TNIP2: variants seen among roughly 807,000 people sequenced by gnomAD.
TNIP2 encodes the protein TNFAIP3 interacting protein 2.
TNIP2 carries 30 observed loss-of-function variants against 43.7 expected under a neutral mutation model. That is an observed-to-expected ratio of 0.69 (90% CI 0.51 to 0.93). TNIP2 has a LOEUF of 0.93. Ranked by LOEUF, TNIP2 falls within the 40% of genes least tolerant of loss-of-function variation. The pLI, the probability that TNIP2 is intolerant of heterozygous loss-of-function variation, is 0.00. For synonymous variants in TNIP2, 260 were observed against 254.6 expected, an observed-to-expected ratio of 1.02 and a Z score of -0.20; for missense variants, 599 against 591.0, an observed-to-expected ratio of 1.01 and a Z score of -0.14.
intron 1 of TNIP2, among the ~76,000 whole-genome samples, chr4:2,748,490 A>C (rs1026760098): frequency 1.3e-5 from 2 of 151,816 alleles, no homozygotes; most frequent in African/African-American, 2.4e-5. Flanking sequence ...CTACAGGCAC[A>C]CGCCACCACG....
rs1430388559 is a variant in TNIP2 at position 2,744,879 on chromosome 4, G to T, written c.724C>A (p.His242Asn). 1 of 1,613,982 alleles carries T rather than the reference G, an allele frequency of 6.2e-7. No homozygotes were observed. The highest frequency in any genetic ancestry group is 1.3e-5 in the African/African-American group (1 of 75,070). The part of the protein sequence containing the change: ...ASRDEYVRGL[H>N]AQLRGLQIPH... ...ATCTGCAGCCCCCTGAGCTGCGCAT[G>T]GAGCCCCCTCACGTATTCGTCCCTG... Residue 242 changes from histidine to asparagine, a missense_variant, in exon 4 of 6, where the codon CAT (histidine) becomes AAT (asparagine). Coordinates refer to ENST00000315423, the MANE Select transcript of TNIP2 (RefSeq NM_024309.4). This position sits in a 1 kb window ranked among gnomAD's most constrained non-coding sequence, Gnocchi z 5.1.
intron 1 of TNIP2, among the ~76,000 whole-genome samples, chr4:2,750,143 C>T (rs1722063828): frequency 1.3e-5 from 2 of 152,110 alleles, no homozygotes; most frequent in Admixed American, 6.6e-5. Context: ...TGTACTTTTC[C>T]GTTTTCAAAG....
chr4:2,744,678 G>A lies in TNIP2; in HGVS notation c.906+19C>T, dbSNP rs748410217. 5 of 1,595,494 alleles carry A rather than the reference G, an allele frequency of 3.1e-6. No individual in the cohort carries two copies. The highest frequency in any genetic ancestry group is 4.5e-5 in the East Asian group (2 of 44,790). On this transcript the variant is annotated intron_variant, in intron 4 of 5. Transcript: ENST00000315423. This position sits in a 1 kb window ranked among gnomAD's most constrained non-coding sequence, Gnocchi z 5.1. ...GCAGACATCTGGTCAGTGCCGTCCG[G>A]AGCCCGAGGGACAGACACCTGCTGT...
intron 1 of TNIP2, among the ~76,000 whole-genome samples, chr4:2,754,052 G>A (rs943963257): frequency 6.6e-6 from 1 of 152,112 alleles, no homozygotes; most frequent in African/African-American, 2.4e-5. Context: ...GACTACAGCG[G>A]CTATTTTATT....
intron 3 of TNIP2, among the ~76,000 whole-genome samples, 162 bp from the exon 4 acceptor site, chr4:2,745,107 C>T (rs774632657): frequency 5.3e-5 from 8 of 152,188 alleles, no homozygotes; most frequent in African/African-American, 1.4e-4. Flanking sequence ...ACACTAGGCC[C>T]GCTAGAGAAT....
chr4:2,751,429 T>C (rs762886372), intron 1 of TNIP2, among the ~76,000 whole-genome samples: 2 of 152,216 alleles, frequency 1.3e-5, no homozygotes, highest in Non-Finnish European at 2.9e-5. Flanking sequence ...AGAGGCACAG[T>C]GGCCTCTTGG....
At chr4:2,753,443 A>T (rs886923396) in intron 1 of TNIP2, among the ~76,000 whole-genome samples, 1 of 152,174 alleles carries the variant, frequency 6.6e-6, no homozygotes, top group African/African-American at 2.4e-5. Flanking sequence ...CTGTCTCAAA[A>T]AAATAAAAAA....
chr4:2,742,526 GA>G lies in TNIP2; in HGVS notation c.1027-7del. On this transcript the variant is annotated splice_region_variant and splice_polypyrimidine_tract_variant and intron_variant, in intron 5 of 5. Coordinates refer to ENST00000315423, the MANE Select transcript of TNIP2 (RefSeq NM_024309.4). ...GCGTCTGGCTCTCGAGAATCCTGGA[GA>G]AAAGGCAAGGGTGTATATACGTGGG... The G allele has an allele frequency of 6.4e-7, 1 of 1,574,272 alleles. No homozygotes were observed. The highest frequency in any genetic ancestry group is 2.3e-5 in the East Asian group (1 of 43,576).
intron 1 of TNIP2, among the ~76,000 whole-genome samples, chr4:2,750,021 G>A (rs2109489404): frequency 6.6e-6 from 1 of 152,272 alleles, no homozygotes; most frequent in East Asian, 1.9e-4. Context: ...ACTTTGCCCA[G>A]TCTGGTCCTG....
rs140673616 is a variant in TNIP2, at chr4:2,745,487, A to G, written c.616T>C (p.Leu206=). ...TTTAACAGTCGATTTTCTTCCTGCA[A>G]CTTCTCAATAACACTCTGGACAGAG... ...HTSVQSVIEK[L]QEENRLLKQK... Residue 206 remains leucine, a synonymous_variant, in exon 3 of 6, where the codon TTG becomes CTG. Coordinates refer to ENST00000315423, the MANE Select transcript of TNIP2 (RefSeq NM_024309.4). 80 of 1,613,952 alleles carry G rather than the reference A, an allele frequency of 5.0e-5. No individual in the cohort carries two copies. Among genetic ancestry groups the G allele is most frequent in the Non-Finnish European group, 6.7e-5 (79 of 1,179,990 alleles).
chr4:2,755,313 C>G (rs956991269), intron 1 of TNIP2, among the ~76,000 whole-genome samples: 1 of 151,534 alleles, frequency 6.6e-6, no homozygotes, highest in African/African-American at 2.4e-5. Context: ...ATACACACAC[C>G]CCCCTCGGAA....
At chr4:2,745,087 T>A in intron 3 of TNIP2, 142 bp from the exon 4 acceptor site, 1 of 1,132,036 alleles carries the variant, frequency 8.8e-7, no homozygotes, top group Non-Finnish European at 1.2e-6. Context: ...CCCTGTTCTG[T>A]AGAGAGCAGA....
In TNIP2 at chr4:2,744,378, A is replaced by G. The variant is rs1364221886; in HGVS notation, c.1026+9T>C. ...CCTAAGCAGGAAGAAAAACGCCCTC[A>G]TACTCTACCTGTCTCCAGGACACCT... On this transcript the variant is annotated intron_variant, in intron 5 of 5. Transcript: ENST00000315423. This position sits in a 1 kb window ranked among gnomAD's most constrained non-coding sequence, Gnocchi z 5.1. The G allele has an allele frequency of 6.2e-7, 1 of 1,614,060 alleles. No homozygotes were observed. Among genetic ancestry groups the G allele is most frequent in the African/African-American group, 1.3e-5 (1 of 74,926 alleles).
chr4:2,754,277 C>T (rs1239391478), intron 1 of TNIP2, among the ~76,000 whole-genome samples: 1 of 152,168 alleles, frequency 6.6e-6, no homozygotes, highest in African/African-American at 2.4e-5. Flanking sequence ...AGAGCTCACC[C>T]GAATGTTTCA....
At position 2,747,717 on chromosome 4, in the gene TNIP2, C is replaced by A. The variant is rs1211886908; in HGVS notation, c.505G>T (p.Ala169Ser). 2 of 1,605,422 alleles carry A rather than the reference C, an allele frequency of 1.2e-6. No homozygotes were observed. The highest frequency in any genetic ancestry group is 1.7e-5 in the Admixed American group (1 of 60,026). ...TATAHMCQHL[A>S]KCLDERQHAQ... The stretch of plus-strand genomic sequence containing the variant: ...TGCTGTCGTTCATCCAGACACTTGG[C>A]CAGATGCTGACACATGTGGGCGGTG... Residue 169 changes from alanine (A) to serine (S), a missense_variant, in exon 2 of 6, where the codon GCC (alanine) becomes TCC (serine). Coordinates refer to ENST00000315423, the MANE Select transcript of TNIP2 (RefSeq NM_024309.4).
chr4:2,756,183 T>A lies in TNIP2; in HGVS notation c.107A>T (p.Asp36Val), dbSNP rs1275047072. 2 of 1,477,400 alleles carry A rather than the reference T, an allele frequency of 1.4e-6. No homozygotes were observed. 91.5% of individuals were successfully genotyped at this position (1,477,400 alleles called of 1,614,324 possible). A position where few individuals can be genotyped will look rare whatever the true frequency, so the allele number is the denominator to read the frequency against. Residue 36 changes from aspartate (D) to valine (V), a missense_variant, in exon 1 of 6, where the codon GAC (aspartate) becomes GTC (valine). Asp to Val is a radical substitution (Grantham distance 152). Coordinates refer to ENST00000315423, the MANE Select transcript of TNIP2 (RefSeq NM_024309.4). Reference sequence around the variant, plus strand: ...GAGGGCGTCGCGGGCAGCGAGCTGGTCCTGCAGGCGGCGCAGCCGCTGTCC... The same window carrying A: ...GAGGGCGTCGCGGGCAGCGAGCTGGACCTGCAGGCGGCGCAGCCGCTGTCC... ...EAGQRLRRLQ[D>V]QLAARDALIA...
chr4:2,756,290 G>A lies in TNIP2; in HGVS notation c.-1C>T. On this transcript the variant is annotated 5_prime_UTR_variant, in exon 1 of 6. Coordinates refer to ENST00000315423, the MANE Select transcript of TNIP2 (RefSeq NM_024309.4). ...CGCCCGACCCCGGGTCCCGGGACAT[G>A]GCTGTAGGCCCGCCCGGGAGGCCGC... 1 of 1,365,658 alleles carries A rather than the reference G, an allele frequency of 7.3e-7. No homozygotes were observed. The highest frequency in any genetic ancestry group is 9.4e-7 in the Non-Finnish European group (1 of 1,063,672). The allele number at this position is 1,365,658 out of a possible 1,614,324, so 84.6% of individuals were successfully genotyped here.
chr4:2,751,857 G>A (rs937010969), intron 1 of TNIP2, among the ~76,000 whole-genome samples: 15 of 151,882 alleles, frequency 9.9e-5, no homozygotes, highest in Admixed American at 4.6e-4. Flanking sequence ...TGCAATCCCA[G>A]CACTTTGGGA....
At chr4:2,755,023 C>T (rs541606866) in intron 1 of TNIP2, among the ~76,000 whole-genome samples, 1 of 152,286 alleles carries the variant, frequency 6.6e-6, no homozygotes, top group Non-Finnish European at 1.5e-5. Flanking sequence ...TGCACCCAGC[C>T]TAGGATTTGT....
Sources: gnomAD v4.1 joint callset for allele counts (sites outside exome capture counted in the v4.1 genomes callset) on GRCh38, gnomAD v4.1.1 for gene constraint, Gnocchi (gnomAD v3.1) non-coding constraint, MANE v1.5 for transcripts, NCBI Gene and HGNC (gene_info 2026-07-23, HGNC 2026-07-21) for gene names.